The following MACF1 variants were observed in gnomAD, a reference collection of about 807,000 sequenced individuals.
MACF1 encodes microtubule actin crosslinking factor 1, also known as microtubule-actin cross-linking factor 1.
Under a neutral mutation model 854.8 loss-of-function variants are expected in MACF1, and 193 were observed. The ratio of observed to expected loss-of-function variants is 0.23; its 90% CI spans 0.20 to 0.25. The LOEUF is 0.25. Among genes scored for constraint, MACF1 ranks in the 10% least tolerant of loss-of-function variants. The probability of loss-of-function intolerance (pLI) is 1.00; values close to 1 mark genes in which losing one functional copy is unlikely to be tolerated. For missense variants in MACF1, 7,722 were observed against 8,929.1 expected (o/e 0.86, Z 5.45); for synonymous variants, 3,185 against 3,226.7 (o/e 0.99, Z 0.44).
intron 2 of MACF1, among the ~76,000 whole-genome samples, chr1:39,101,176 G>A (rs942854773): frequency 2.4e-4 from 36 of 151,614 alleles, no homozygotes; most frequent in African/African-American, 8.0e-4. Flanking sequence ...GGCCAACAAG[G>A]TGAAACCCCA....
At chr1:39,316,829 C>CTT in intron 28 of MACF1, among the ~76,000 whole-genome samples, 1 of 152,154 alleles carries the variant, frequency 6.6e-6, no homozygotes, top group East Asian at 1.9e-4. Flanking sequence ...AATCACTTAG[C>CTT]TGTTATCTAA....
At chr1:39,480,124 T>TGGG in intron 98 of MACF1, 115 bp downstream of exon 98, 1 of 909,666 alleles carries the variant, frequency 1.1e-6, no homozygotes, top group Non-Finnish European at 1.7e-6. Flanking sequence ...AATGAAAACA[T>TGGG]GTTTTCTATT....
chr1:39,459,126 C>G lies in MACF1; in HGVS notation c.21237C>G (p.Ile7079Met), dbSNP rs1644499496. 6.2e-7 allele frequency: 1 copy of G among 1,614,020 alleles called. No homozygotes were observed. Among genetic ancestry groups the G allele is most frequent in the Non-Finnish European group, 8.5e-7 (1 of 1,180,018 alleles). Residue 7079 changes from isoleucine to methionine, a missense_variant, in exon 91 of 101, where the codon ATC becomes ATG. Transcript: ENST00000564288. ...LSQPTPPPMPILSQSEAKNPR... is the reference protein window; with the variant it reads ...LSQPTPPPMPMLSQSEAKNPR... ...AGCCAACCCCTCCTCCCATGCCAAT[C>G]CTTTCACAGTCTGAAGCAAAAAACC...
intron 1 of MACF1, among the ~76,000 whole-genome samples, chr1:39,219,655 TG>T (rs1260846306): frequency 1.3e-5 from 2 of 152,204 alleles, no homozygotes; most frequent in Middle Eastern, 3.2e-3. Context: ...GAACATTAAG[TG>T]GTTCAAAATC....
chr1:39,175,213 C>A (rs1431667237), intron 2 of MACF1, among the ~76,000 whole-genome samples: 1 of 152,026 alleles, frequency 6.6e-6, no homozygotes, highest in Non-Finnish European at 1.5e-5. Flanking sequence ...GTGAGGATTC[C>A]AAATAATCAA....
chr1:39,452,105 T>C, intron 85 of MACF1, 51 bp from the exon 86 acceptor site: 1 of 1,439,146 alleles, frequency 6.9e-7, no homozygotes, highest in Non-Finnish European at 9.5e-7. Flanking sequence ...AGTGGTTTCT[T>C]GGACTCAAAA....
intron 2 of MACF1, among the ~76,000 whole-genome samples, chr1:39,139,946 CTT>C (rs11364327): frequency 0.062 from 9,069 of 146,256 alleles, 288 homozygotes; most frequent in East Asian, 0.14. Context: ...AGAACTAAAT[CTT>C]TTTTTTTTTT....
chr1:39,275,925 CTTT>C (rs35766460), intron 6 of MACF1, among the ~76,000 whole-genome samples: 1 of 146,688 alleles, frequency 6.8e-6, no homozygotes, highest in South Asian at 2.2e-4. Context: ...TCTTCTTCTT[CTTT>C]TTTTTTTTTT....
rs760078507 is a variant in MACF1, at chr1:39,331,990, G to T, written c.5402G>T (p.Cys1801Phe). ...RHNLIDQDMA[C>F]AILIRQLQTG... ...AATCTGATTGACCAAGATATGGCCTGTGCTATCCTCATAAGGCAGCTTCAG... is the reference window on the plus strand; with the variant it reads ...AATCTGATTGACCAAGATATGGCCTTTGCTATCCTCATAAGGCAGCTTCAG... The change falls in exon 37 of 101, where the codon TGT becomes TTT. Residue 1801 changes from cysteine to phenylalanine, a missense_variant. Transcript: ENST00000564288. 6.2e-7 allele frequency: 1 copy of T among 1,613,920 alleles called. No individual in the cohort carries two copies. Among genetic ancestry groups the T allele is most frequent in the Admixed American group, 1.7e-5 (1 of 59,970 alleles).
intron 58 of MACF1, among the ~76,000 whole-genome samples, chr1:39,389,750 G>C (rs1641959553): frequency 6.6e-6 from 1 of 151,944 alleles, no homozygotes; most frequent in East Asian, 1.9e-4. Context: ...TTTAGGGGAG[G>C]ATATTGATGT....
chr1:39,485,497 G>A, intron 100 of MACF1, 41 bp from the exon 101 acceptor site: 1 of 1,543,582 alleles, frequency 6.5e-7, no homozygotes, highest in Non-Finnish European at 8.7e-7. Flanking sequence ...TCCACCCCAT[G>A]CCATCTCTAT....
At chr1:39,435,480 A>T in intron 69 of MACF1, 78 bp from the exon 70 acceptor site, 1 of 1,199,812 alleles carries the variant, frequency 8.3e-7, no homozygotes, top group South Asian at 1.4e-5. Context: ...TAAAGTTGAT[A>T]TTAGCTCTGA....
intron 43 of MACF1, among the ~76,000 whole-genome samples, chr1:39,351,994 G>C (rs2148503007): frequency 6.6e-6 from 1 of 152,246 alleles, no homozygotes; most frequent in Non-Finnish European, 1.5e-5. Flanking sequence ...TGCCTCTATA[G>C]TTACGATGGG....
In MACF1 at chr1:39,310,378, T is replaced by C; in HGVS notation, c.3050T>C (p.Val1017Ala). ...GATCGCTTGCGCTTGGAAGAGGAGGTGGAAGCTTGTAAAGCCCGCTTCCAG... is the reference window on the plus strand; with the variant it reads ...GATCGCTTGCGCTTGGAAGAGGAGGCGGAAGCTTGTAAAGCCCGCTTCCAG... Reference protein sequence around the residue: ...VADRLRLEEEVEACKARFQHL... With the variant: ...VADRLRLEEEAEACKARFQHL... The change falls in exon 25 of 101, where the codon GTG becomes GCG. Residue 1017 changes from valine to alanine, a missense_variant. Coordinates refer to ENST00000564288, the MANE Select transcript of MACF1 (RefSeq NM_001394062.1). 1 of 1,614,008 alleles carries C rather than the reference T, an allele frequency of 6.2e-7. No homozygotes were observed. Among genetic ancestry groups the C allele is most frequent in the Non-Finnish European group, 8.5e-7 (1 of 1,179,978 alleles).
At chr1:39,390,485 T>C (rs913536525) in intron 58 of MACF1, among the ~76,000 whole-genome samples, 1 of 152,184 alleles carries the variant, frequency 6.6e-6, no homozygotes, top group African/African-American at 2.4e-5. Context: ...TGTTTGGAGA[T>C]AGTACAATTT....
At chr1:39,398,771 T>G (rs1343401533) in intron 58 of MACF1, among the ~76,000 whole-genome samples, 2 of 152,132 alleles carry the variant, frequency 1.3e-5, no homozygotes, top group African/African-American at 4.8e-5. Context: ...GACTGAAGAA[T>G]TTTCTCTATG....
intron 2 of MACF1, among the ~76,000 whole-genome samples, chr1:39,243,845 G>A (rs1488187757): frequency 6.6e-6 from 1 of 152,112 alleles, no homozygotes; most frequent in Non-Finnish European, 1.5e-5. Flanking sequence ...TTTAGTAGAT[G>A]TGTGATTTTG....
chr1:39,435,707 G>A lies in MACF1; in HGVS notation c.17934G>A (p.Glu5978=). 6.2e-7 allele frequency: 1 copy of A among 1,614,188 alleles called. No individual in the cohort carries two copies. Among genetic ancestry groups the A allele is most frequent in the East Asian group, 2.2e-5 (1 of 44,876 alleles). Residue 5978 remains glutamate (E), a synonymous_variant, in exon 70 of 101, where the codon GAG becomes GAA. Coordinates refer to ENST00000564288, the MANE Select transcript of MACF1 (RefSeq NM_001394062.1). ...AAAACATGTATGCCCAAATAAAGGA[G>A]GAGGTGCGCCAGCGAGCCCTGGCTC... ...KAENMYAQIK[E]EVRQRALALD...
intron 51 of MACF1, 53 bp downstream of exon 51, chr1:39,370,239 T>TAA: frequency 1.4e-6 from 2 of 1,462,338 alleles, no homozygotes; most frequent in South Asian, 2.7e-5. Flanking sequence ...TTTGAATACT[T>TAA]GTATTAACTG....
Sources: allele counts gnomAD v4.1 joint callset (sites outside exome capture counted in the v4.1 genomes callset), GRCh38; gene constraint gnomAD v4.1.1; transcripts MANE v1.5; gene names NCBI Gene and HGNC (gene_info 2026-07-23, HGNC 2026-07-21).